The following SESN1 variants were observed in gnomAD, a reference collection of about 807,000 sequenced individuals.
SESN1 encodes the protein sestrin 1, also known as sestrin-1.
In SESN1, 30 loss-of-function variants were observed where a neutral mutation model predicts 59.3. That is an observed-to-expected ratio of 0.51 (90% confidence interval 0.38 to 0.69). SESN1 has a LOEUF of 0.69. Ranked by LOEUF, SESN1 falls within the 30% of genes least tolerant of loss-of-function variation. SESN1 has a pLI of 0.00. For missense variants in SESN1, 566 were observed against 673.0 expected (o/e 0.84, Z 1.76); for synonymous variants, 197 against 219.9 (o/e 0.90, Z 0.92).
intron 1 of SESN1, among the ~76,000 whole-genome samples, chr6:109,078,981 A>G (rs928707140): frequency 6.6e-6 from 1 of 152,168 alleles, no homozygotes; most frequent in Admixed American, 6.5e-5. Flanking sequence ...GAATCTTCAT[A>G]TATTACTATA....
At chr6:109,005,404 C>T (rs765923928) in intron 1 of SESN1, among the ~76,000 whole-genome samples, 21 of 152,110 alleles carry the variant, frequency 1.4e-4, no homozygotes, top group Non-Finnish European at 2.5e-4. Flanking sequence ...CTTTATCTTA[C>T]AAATACATTA....
At chr6:109,012,244 CTTTTTTTTTT>C (rs1050059466) in intron 1 of SESN1, among the ~76,000 whole-genome samples, 1 of 138,944 alleles carries the variant, frequency 7.2e-6, no homozygotes, top group Non-Finnish European at 1.6e-5. Context: ...TTTGATATTT[CTTTTTTTTTT>C]TTTTTTGAGA....
At chr6:109,047,326 C>T (rs1583286103) in intron 1 of SESN1, among the ~76,000 whole-genome samples, 1 of 129,740 alleles carries the variant, frequency 7.7e-6, no homozygotes. Flanking sequence ...GGCCAGCCGC[C>T]CCGTCCGGGA....
chr6:109,079,513 A>G (rs1781086430), intron 1 of SESN1, among the ~76,000 whole-genome samples: 1 of 152,182 alleles, frequency 6.6e-6, no homozygotes, highest in Non-Finnish European at 1.5e-5. Flanking sequence ...AAATTTGCAA[A>G]TATTTTGTGC....
In SESN1 at chr6:109,001,415, A is replaced by C. The variant is rs1272563178; in HGVS notation, c.419T>G (p.Leu140Trp). 3.1e-6 allele frequency: 5 copies of C among 1,613,798 alleles called. No homozygotes were observed. The highest frequency in any genetic ancestry group is 1.3e-5 in the African/African-American group (1 of 74,924). The change falls in exon 3 of 10, where the codon TTG becomes TGG. Residue 140 changes from leucine (L) to tryptophan (W), a missense_variant. By Grantham distance (61) the Leu-to-Trp change is moderately conservative. Transcript: ENST00000436639. Reference protein sequence around the residue: ...FADSFAALGRLDNITLVMVFH... With the variant: ...FADSFAALGRWDNITLVMVFH... Reference sequence around the variant, plus strand: ...AACCATCACTAACGTAATGTTATCCAAACGGCCCAAAGCAGCAAAAGAATC... The same window carrying C: ...AACCATCACTAACGTAATGTTATCCCAACGGCCCAAAGCAGCAAAAGAATC...
intron 1 of SESN1, among the ~76,000 whole-genome samples, chr6:109,091,774 A>T (rs1180657958): frequency 1.3e-5 from 2 of 152,248 alleles, no homozygotes; most frequent in Admixed American, 1.3e-4. Context: ...TCAGAATGAC[A>T]TTCAGCAGGA....
chr6:109,001,235 A>G (rs1779614089), intron 3 of SESN1, 53 bp downstream of exon 3: 2 of 1,460,762 alleles, frequency 1.4e-6, no homozygotes, highest in East Asian at 4.5e-5. Flanking sequence ...ACTGTCTCTT[A>G]AAGAGATTAA....
At chr6:109,020,949 T>C (rs1164773920) in intron 1 of SESN1, among the ~76,000 whole-genome samples, 1 of 152,206 alleles carries the variant, frequency 6.6e-6, no homozygotes, top group Non-Finnish European at 1.5e-5. Context: ...TAGAACAGTT[T>C]GCTTTGTCAT....
At chr6:109,002,927 A>T (rs1310771371) in intron 1 of SESN1, among the ~76,000 whole-genome samples, 4 of 152,128 alleles carry the variant, frequency 2.6e-5, no homozygotes, top group Non-Finnish European at 5.9e-5. Flanking sequence ...AGTTTGCCTT[A>T]AATTAAGTTT....
At chr6:109,072,173 T>C (rs1780950064) in intron 1 of SESN1, among the ~76,000 whole-genome samples, 1 of 152,200 alleles carries the variant, frequency 6.6e-6, no homozygotes, top group African/African-American at 2.4e-5. Flanking sequence ...TCTTAATTAT[T>C]AGCATTTCAA....
At chr6:109,031,704 G>A (rs988866757) in intron 1 of SESN1, among the ~76,000 whole-genome samples, 1 of 152,120 alleles carries the variant, frequency 6.6e-6, no homozygotes, top group Non-Finnish European at 1.5e-5. Context: ...GTAGGAAATG[G>A]CCCATCTTTT....
At position 109,094,373 on chromosome 6, in the gene SESN1, CTCCGT is replaced by C; in HGVS notation, c.-305_-301del. On this transcript the variant is annotated 5_prime_UTR_variant, in exon 1 of 10. Coordinates refer to ENST00000436639, the MANE Select transcript of SESN1 (RefSeq NM_014454.3). ...CAGAGAATTTCGGGGAAGCGTTCTC[CTCCGT>C]CTCGCGGGGTCAGTGGATATCCTCA... is the stretch of plus-strand genomic sequence containing the variant. The C allele has an allele frequency of 2.4e-6, 1 of 416,874 alleles. No homozygotes were observed. The highest frequency in any genetic ancestry group is 4.3e-6 in the Non-Finnish European group (1 of 229,980). The allele number at this position is 416,874 out of a possible 1,614,324, so 25.8% of individuals were successfully genotyped here. A position where few individuals can be genotyped will look rare whatever the true frequency, so the allele number is the denominator to read the frequency against.
intron 1 of SESN1, among the ~76,000 whole-genome samples, chr6:109,016,838 T>C (rs892415294): frequency 5.9e-5 from 9 of 152,208 alleles, no homozygotes; most frequent in South Asian, 2.1e-4. Context: ...CTTGTAGTAA[T>C]AGAGAATATG....
intron 1 of SESN1, among the ~76,000 whole-genome samples, chr6:109,089,641 C>G (rs377206000): frequency 6.6e-6 from 1 of 152,148 alleles, no homozygotes; most frequent in Non-Finnish European, 1.5e-5. Flanking sequence ...AAATTGACCC[C>G]CTGCCACTCT....
At chr6:109,080,226 A>G (rs1304256752) in intron 1 of SESN1, among the ~76,000 whole-genome samples, 1 of 152,178 alleles carries the variant, frequency 6.6e-6, no homozygotes, top group Non-Finnish European at 1.5e-5. Flanking sequence ...GAGTTACTAC[A>G]ACACTTGCAC....
chr6:109,081,621 T>C (rs1040903170), intron 1 of SESN1, among the ~76,000 whole-genome samples: 5 of 152,144 alleles, frequency 3.3e-5, no homozygotes, highest in African/African-American at 1.2e-4. Context: ...GACAACTTGA[T>C]TCCAATCCCA....
At chr6:109,012,138 A>C (rs1042803767) in intron 1 of SESN1, among the ~76,000 whole-genome samples, 9 of 152,202 alleles carry the variant, frequency 5.9e-5, no homozygotes, top group African/African-American at 2.2e-4. Flanking sequence ...CTGAACACAG[A>C]ACAGTGATTA....
chr6:109,012,329 G>C (rs568201840), intron 1 of SESN1, among the ~76,000 whole-genome samples: 58 of 151,224 alleles, frequency 3.8e-4, no homozygotes, highest in Non-Finnish European at 6.3e-4. Flanking sequence ...GAAGAATCCT[G>C]ACATTTAATC....
chr6:109,003,489 A>G (rs922507725), intron 1 of SESN1, among the ~76,000 whole-genome samples: 1 of 152,188 alleles, frequency 6.6e-6, no homozygotes. Context: ...CAGGAAGGAC[A>G]AAAGTGAAGG....
Sources: gnomAD v4.1 joint callset for allele counts (sites outside exome capture counted in the v4.1 genomes callset) on GRCh38, gnomAD v4.1.1 for gene constraint, MANE v1.5 for transcripts, NCBI Gene and HGNC (gene_info 2026-07-23, HGNC 2026-07-21) for gene names.